DSCAM: variants seen among roughly 807,000 people sequenced by gnomAD.
DSCAM encodes cell adhesion molecule DSCAM.
Under a neutral mutation model 217.7 loss-of-function variants are expected in DSCAM, and 47 were observed. The observed-to-expected ratio is 0.22, with a 90% CI of 0.17 to 0.28. The LOEUF is 0.28. DSCAM is among the 10% of genes least tolerant of loss of function. DSCAM has a pLI of 1.00. For missense variants in DSCAM, 2,080 were observed against 2,618.3 expected (o/e 0.79, Z 4.49); for synonymous variants, 1,056 against 1,015.3 (o/e 1.04, Z -0.76).
intron 1 of DSCAM, among the ~76,000 whole-genome samples, chr21:40,789,014 T>C (rs927858608): frequency 7.9e-5 from 12 of 152,186 alleles, no homozygotes; most frequent in African/African-American, 2.9e-4. Context: ...TTTTATCTCA[T>C]TGCCTGGCGC....
intron 1 of DSCAM, among the ~76,000 whole-genome samples, chr21:40,775,788 C>A (rs111662770): frequency 1.1e-4 from 17 of 152,188 alleles, no homozygotes; most frequent in African/African-American, 4.1e-4. Flanking sequence ...GAAGAGATGT[C>A]CTTTTTGTAC....
intron 8 of DSCAM, among the ~76,000 whole-genome samples, chr21:40,322,343 T>G (rs914895260): frequency 2.0e-5 from 3 of 152,190 alleles, no homozygotes; most frequent in African/African-American, 7.2e-5. Context: ...CCTGAATACA[T>G]TTTTAAAAAA....
chr21:40,767,745 C>T (rs147050810), intron 1 of DSCAM, among the ~76,000 whole-genome samples: 1 of 152,284 alleles, frequency 6.6e-6, no homozygotes, highest in African/African-American at 2.4e-5. Flanking sequence ...AGCATCACAG[C>T]TAATTGACGG....
intron 3 of DSCAM, among the ~76,000 whole-genome samples, chr21:40,440,802 C>T (rs1198982972): frequency 6.6e-6 from 1 of 151,358 alleles, no homozygotes; most frequent in African/African-American, 2.4e-5. Context: ...ATGACAGGAC[C>T]TATACCACAT....
intron 16 of DSCAM, among the ~76,000 whole-genome samples, chr21:40,149,161 A>G (rs567598262): frequency 1.7e-4 from 26 of 151,922 alleles, no homozygotes; most frequent in Admixed American, 1.0e-3. Context: ...GCAAATATCC[A>G]TCACTCCATC....
intron 21 of DSCAM, among the ~76,000 whole-genome samples, chr21:40,092,652 T>C (rs2089626458): frequency 6.6e-6 from 1 of 152,184 alleles, no homozygotes; most frequent in Non-Finnish European, 1.5e-5. Flanking sequence ...TTTGTTGCAG[T>C]GTTTTTTTGT....
At chr21:40,101,710 A>G (rs2075798025) in intron 20 of DSCAM, among the ~76,000 whole-genome samples, 1 of 151,430 alleles carries the variant, frequency 6.6e-6, no homozygotes, top group African/African-American at 2.4e-5. Context: ...TAAAATATGC[A>G]TGTTGCTTAT....
At chr21:40,688,216 C>A (rs746199579) in intron 3 of DSCAM, among the ~76,000 whole-genome samples, 8 of 152,074 alleles carry the variant, frequency 5.3e-5, no homozygotes, top group Non-Finnish European at 1.2e-4. Flanking sequence ...ATCCGGTTAC[C>A]CCTGGGCTGT....
chr21:40,667,006 C>T (rs771501011), intron 3 of DSCAM, among the ~76,000 whole-genome samples: 5 of 152,178 alleles, frequency 3.3e-5, no homozygotes, highest in Admixed American at 6.5e-5. Flanking sequence ...CTAGAAGCTG[C>T]TTCATGTATC....
At chr21:40,825,035 T>C (rs752104920) in intron 1 of DSCAM, among the ~76,000 whole-genome samples, 2 of 152,258 alleles carry the variant, frequency 1.3e-5, no homozygotes, top group Non-Finnish European at 2.9e-5. Context: ...CATGTCCTAT[T>C]GTCCTGGAGA....
At chr21:40,687,613 A>G (rs2090494433) in intron 3 of DSCAM, among the ~76,000 whole-genome samples, 1 of 152,154 alleles carries the variant, frequency 6.6e-6, no homozygotes, top group South Asian at 2.1e-4. Flanking sequence ...GTTTGCTGAA[A>G]CGTGCTTAAG....
chr21:40,202,659 C>A (rs1218044131), intron 11 of DSCAM, among the ~76,000 whole-genome samples: 1 of 152,226 alleles, frequency 6.6e-6, no homozygotes, highest in Non-Finnish European at 1.5e-5. Flanking sequence ...GGGCCAACGC[C>A]CAGTATTTTG....
Position 40,214,547 on chromosome 21 carries a change from G to A in DSCAM, c.2357-25309C>T, listed in dbSNP as rs539024054. Reference sequence around the variant, plus strand: ...TTTTTCCAAGAAGGAACACAGGACCGTAAACAGCTTTGAAAGAAGCTGTGA... The same window carrying A: ...TTTTTCCAAGAAGGAACACAGGACCATAAACAGCTTTGAAAGAAGCTGTGA... On this transcript the variant is annotated intron_variant, in intron 11 of 32. Transcript: ENST00000400454. 9.2e-5 allele frequency among the ~76,000 whole-genome samples: 14 copies of A among 152,178 alleles called. No homozygotes were observed. In the South Asian group the frequency reaches 1.0e-3, roughly 11 times the overall value.
intron 3 of DSCAM, among the ~76,000 whole-genome samples, chr21:40,381,822 C>G (rs566223930): frequency 1.3e-5 from 2 of 152,258 alleles, no homozygotes; most frequent in South Asian, 2.1e-4. Flanking sequence ...TGCAGCTTTA[C>G]TTTTTAAAAA....
chr21:40,597,001 G>C (rs2077026180), intron 3 of DSCAM, among the ~76,000 whole-genome samples: 2 of 152,084 alleles, frequency 1.3e-5, no homozygotes, highest in South Asian at 4.1e-4. Context: ...CCCTTAAAAT[G>C]AAAAAATGAA....
chr21:40,358,507 T>G (rs2123665454), intron 4 of DSCAM, among the ~76,000 whole-genome samples: 2 of 152,136 alleles, frequency 1.3e-5, no homozygotes, highest in Middle Eastern at 6.8e-3. Context: ...ATAATAAACT[T>G]CTTCAAAATT....
At chr21:40,171,441 G>A (rs751454707) in intron 15 of DSCAM, among the ~76,000 whole-genome samples, 8 of 152,038 alleles carry the variant, frequency 5.3e-5, no homozygotes, top group Non-Finnish European at 1.2e-4. Flanking sequence ...TTGTATCCAG[G>A]ACAGACTTAA....
chr21:40,120,038 G>T (rs750574545), intron 20 of DSCAM, among the ~76,000 whole-genome samples: 5 of 152,114 alleles, frequency 3.3e-5, no homozygotes, highest in Admixed American at 6.5e-5. Flanking sequence ...GCCTGGGGTG[G>T]GAAGCTGTCT....
At chr21:40,427,511 G>A (rs926547522) in intron 3 of DSCAM, among the ~76,000 whole-genome samples, 3 of 152,218 alleles carry the variant, frequency 2.0e-5, no homozygotes, top group Non-Finnish European at 4.4e-5. Flanking sequence ...CAGACCTCAA[G>A]TAGAAGAGAT....
Sources: gnomAD v4.1 joint callset for allele counts (sites outside exome capture counted in the v4.1 genomes callset) on GRCh38, gnomAD v4.1.1 for gene constraint, MANE v1.5 for transcripts, NCBI Gene and HGNC (gene_info 2026-07-23, HGNC 2026-07-21) for gene names.